The following GRID2 variants were observed in gnomAD, a reference collection of about 807,000 sequenced individuals.
GRID2 encodes the protein glutamate receptor ionotropic, delta-2.
A neutral mutation model predicts 114.8 loss-of-function variants in GRID2; 33 were observed. That is an observed-to-expected ratio of 0.29 (90% CI 0.22 to 0.38). The LOEUF (loss-of-function observed/expected upper bound fraction) is 0.38, where lower values mean the gene tolerates loss of function less well. GRID2 is among the 10% of genes least tolerant of loss of function. The probability of loss-of-function intolerance (pLI) is 1.00; values close to 1 mark genes in which losing one functional copy is unlikely to be tolerated. For synonymous variants in GRID2, 505 were observed against 449.9 expected (o/e 1.12, Z -1.55); for missense variants, 1,184 against 1,257.7 (o/e 0.94, Z 0.89).
chr4:92,989,883 A>C lies in GRID2; in HGVS notation c.245-95112A>C, dbSNP rs72617703. On this transcript the variant is annotated intron_variant, in intron 2 of 15. Coordinates refer to ENST00000282020, the MANE Select transcript of GRID2 (RefSeq NM_001510.4). ...CGTTTATATGAAAGAAAGAAAAAAC[A>C]TACAGAAATATTGTAAGATTCTAAG... 5.8e-3 allele frequency among the ~76,000 whole-genome samples: 880 copies of C among 152,300 alleles called. 21 individuals are homozygous for C. The East Asian group carries it at 0.079, about 14-fold the overall frequency.
At chr4:92,488,647 T>A (rs1334674685) in intron 1 of GRID2, among the ~76,000 whole-genome samples, 1 of 152,116 alleles carries the variant, frequency 6.6e-6, no homozygotes, top group Non-Finnish European at 1.5e-5. Flanking sequence ...GGGGTAGGCA[T>A]GCTGCCCATG....
chr4:93,186,254 A>G (rs1279465540), intron 4 of GRID2, among the ~76,000 whole-genome samples: 1 of 152,120 alleles, frequency 6.6e-6, no homozygotes, highest in Non-Finnish European at 1.5e-5. Flanking sequence ...TTGGGTATAT[A>G]CCCAGTAGTG....
intron 4 of GRID2, among the ~76,000 whole-genome samples, chr4:93,119,011 G>C (rs894569330): frequency 6.6e-6 from 1 of 152,090 alleles, no homozygotes; most frequent in Non-Finnish European, 1.5e-5. Context: ...ATTGCTAAGG[G>C]GAAAAATAAG....
At position 92,686,666 on chromosome 4, in the gene GRID2, C is replaced by T. The variant is rs577737770; in HGVS notation, c.244+96380C>T. 7.9e-5 allele frequency among the ~76,000 whole-genome samples: 12 copies of T among 152,032 alleles called. No homozygotes were observed. The East Asian group carries it at 2.3e-3, about 29-fold the overall frequency. On this transcript the variant is annotated intron_variant, in intron 2 of 15. Coordinates refer to ENST00000282020, the MANE Select transcript of GRID2 (RefSeq NM_001510.4). The stretch of plus-strand genomic sequence containing the variant: ...ATACCTGTTAATATTTGTGTTCCTA[C>T]TCAGTTTGGATACAAGTCAAAATAA...
Position 92,336,954 on chromosome 4 carries a change from G to GTTTTT in GRID2, c.88+32227_88+32231dup, listed in dbSNP as rs59093874. ...GGACCAAGTCAGGTCTTTCGTTGTT[G>GTTTTT]TTTTTTTTTTTTTTTTTTTTTCATG... On this transcript the variant is annotated intron_variant, in intron 1 of 15. Transcript: ENST00000282020. Among the ~76,000 whole-genome samples the GTTTTT allele has an allele frequency of 2.6e-3, 206 of 77,950 alleles. 1 individual carries two copies. Among genetic ancestry groups the GTTTTT allele is most frequent in the Non-Finnish European group, 3.4e-3 (149 of 43,956 alleles). The allele number at this position is 77,950 out of a possible 152,430, so 51.1% of individuals were successfully genotyped here.
intron 5 of GRID2, among the ~76,000 whole-genome samples, chr4:93,210,939 T>G (rs983755176): frequency 6.6e-6 from 1 of 152,070 alleles, no homozygotes; most frequent in African/African-American, 2.4e-5. Context: ...GATTTCCTGA[T>G]GCAAAACCAG....
At chr4:92,791,956 T>C (rs1336490201) in intron 2 of GRID2, among the ~76,000 whole-genome samples, 1 of 151,876 alleles carries the variant, frequency 6.6e-6, no homozygotes, top group African/African-American at 2.4e-5. Context: ...ACAAGAAATA[T>C]GTAATATATG....
At chr4:93,417,474 A>G (rs1342272186) in intron 9 of GRID2, among the ~76,000 whole-genome samples, 1 of 152,078 alleles carries the variant, frequency 6.6e-6, no homozygotes, top group Admixed American at 6.6e-5. Flanking sequence ...AATAAGTAGT[A>G]AAGTAACATC....
intron 8 of GRID2, among the ~76,000 whole-genome samples, chr4:93,285,184 A>G (rs1252296567): frequency 1.3e-5 from 2 of 152,030 alleles, no homozygotes; most frequent in African/African-American, 4.8e-5. Flanking sequence ...ATATTTCTCA[A>G]GTAAATTCAT....
At chr4:92,656,537 G>T (rs953203484) in intron 2 of GRID2, among the ~76,000 whole-genome samples, 12 of 151,386 alleles carry the variant, frequency 7.9e-5, no homozygotes, top group African/African-American at 2.4e-4. Context: ...TGTGAAATTG[G>T]TCTGTATAAT....
intron 14 of GRID2, among the ~76,000 whole-genome samples, chr4:93,656,693 G>GCA (rs1488094319): frequency 8.5e-5 from 12 of 141,298 alleles, no homozygotes; most frequent in Non-Finnish European, 1.9e-4. Flanking sequence ...AGCCAGGCAT[G>GCA]GTGGCGGGCA....
intron 1 of GRID2, among the ~76,000 whole-genome samples, chr4:92,543,632 A>T (rs952549327): frequency 2.0e-5 from 3 of 152,142 alleles, no homozygotes; most frequent in African/African-American, 7.2e-5. Flanking sequence ...CCAACACCAG[A>T]ACCTGGAATG....
chr4:93,231,660 G>A (rs578147099), intron 7 of GRID2, among the ~76,000 whole-genome samples: 1 of 152,266 alleles, frequency 6.6e-6, no homozygotes, highest in Middle Eastern at 3.4e-3. Flanking sequence ...CCAATGAACA[G>A]TCATTGCAAA....
At chr4:93,431,611 G>A (rs1328174128) in intron 10 of GRID2, among the ~76,000 whole-genome samples, 1 of 152,002 alleles carries the variant, frequency 6.6e-6, no homozygotes, top group Non-Finnish European at 1.5e-5. Flanking sequence ...AAAAGATGAT[G>A]GAAAAACTTG....
At chr4:92,984,439 T>C (rs1754388040) in intron 2 of GRID2, among the ~76,000 whole-genome samples, 2 of 152,374 alleles carry the variant, frequency 1.3e-5, no homozygotes, top group South Asian at 4.1e-4. Context: ...ATAGCTTGTT[T>C]ACTCTTTGTT....
chr4:93,211,551 G>A (rs1315723629), intron 5 of GRID2, among the ~76,000 whole-genome samples: 2 of 151,992 alleles, frequency 1.3e-5, no homozygotes, highest in Non-Finnish European at 2.9e-5. Context: ...GATAATTAAG[G>A]AGACCTCAAT....
At chr4:93,449,200 GT>G (rs1722446014) in intron 10 of GRID2, among the ~76,000 whole-genome samples, 1 of 151,894 alleles carries the variant, frequency 6.6e-6, no homozygotes, top group Non-Finnish European at 1.5e-5. Flanking sequence ...GAAGGAAACA[GT>G]TTAGTAAGTT....
chr4:92,793,285 A>G (rs998606438), intron 2 of GRID2, among the ~76,000 whole-genome samples: 2 of 151,808 alleles, frequency 1.3e-5, no homozygotes, highest in Admixed American at 1.3e-4. Context: ...TTTATGCCAA[A>G]GGAAGTCTCC....
At chr4:93,247,577 T>G (rs1000693050) in intron 8 of GRID2, among the ~76,000 whole-genome samples, 19 of 152,082 alleles carry the variant, frequency 1.2e-4, no homozygotes, top group Admixed American at 1.1e-3. Flanking sequence ...AGACTGGGAC[T>G]GACATCATTG....
Sources: gnomAD v4.1 joint callset for allele counts (sites outside exome capture counted in the v4.1 genomes callset) on GRCh38, gnomAD v4.1.1 for gene constraint, MANE v1.5 for transcripts, NCBI Gene and HGNC (gene_info 2026-07-23, HGNC 2026-07-21) for gene names.